Variants in PLEKHH2 observed in about 807,000 individuals in gnomAD.
PLEKHH2 encodes pleckstrin homology domain-containing family H member 2.
PLEKHH2 carries 129 observed loss-of-function variants against 187.9 expected under a neutral mutation model. The ratio of observed to expected loss-of-function variants is 0.69; its 90% confidence interval spans 0.59 to 0.79. PLEKHH2 has a LOEUF of 0.79. Among genes scored for constraint, PLEKHH2 ranks in the 30% least tolerant of loss-of-function variants. The pLI, the probability that PLEKHH2 is intolerant of heterozygous loss-of-function variation, is 0.00. For missense variants in PLEKHH2, 2,076 were observed against 1,751.2 expected (o/e 1.19, Z -3.31); for synonymous variants, 686 against 605.6 (o/e 1.13, Z -1.95).
Position 43,739,133 on chromosome 2 carries a change from C to T in PLEKHH2, c.3123+613C>T, listed in dbSNP as rs150031684. Among the ~76,000 whole-genome samples, 440 of 152,218 alleles carry T rather than the reference C, an allele frequency of 2.9e-3. 4 individuals carry two copies. Among genetic ancestry groups the T allele is most frequent in the African/African-American group, 9.8e-3 (406 of 41,534 alleles). On this transcript the variant is annotated intron_variant, in intron 20 of 29. Transcript: ENST00000282406. ...CTCGAACTCCTGATCTCAGGTGATC[C>T]GCCCGCTCTGGCCTCCCAAAGTACT...
chr2:43,742,972 T>A, intron 22 of PLEKHH2, 54 bp downstream of exon 22: 1 of 1,338,212 alleles, frequency 7.5e-7, no homozygotes, highest in Non-Finnish European at 9.9e-7. Flanking sequence ...ACAACCTCTG[T>A]TATAGGGAAC....
chr2:43,678,623 T>C (rs1667993954), intron 2 of PLEKHH2, among the ~76,000 whole-genome samples: 1 of 151,826 alleles, frequency 6.6e-6, no homozygotes, highest in South Asian at 2.1e-4. Context: ...GGCAGGAGAA[T>C]CAGGCAGGGA....
In PLEKHH2 at chr2:43,704,050, A is replaced by G; in HGVS notation, c.1720A>G (p.Asn574Asp). 1 of 1,596,126 alleles carries G rather than the reference A, an allele frequency of 6.3e-7. No individual in the cohort carries two copies. The highest frequency in any genetic ancestry group is 1.1e-5 in the South Asian group (1 of 90,398). The part of the protein sequence containing the change: ...MSEAFNMESV[N>D]KNSAATLSYT... ...TGAGGCCTTCAATATGGAGAGTGTTAATAAAAGTAAGTGCTTTTTCATGCT... is the reference window on the plus strand; with the variant it reads ...TGAGGCCTTCAATATGGAGAGTGTTGATAAAAGTAAGTGCTTTTTCATGCT... Residue 574 changes from asparagine to aspartate, a missense_variant, in exon 9 of 30, where the codon AAT becomes GAT. Asn to Asp is a conservative substitution (Grantham distance 23). Coordinates refer to ENST00000282406, the MANE Select transcript of PLEKHH2 (RefSeq NM_172069.4).
chr2:43,710,428 G>A, intron 13 of PLEKHH2, 61 bp from the exon 14 acceptor site: 7 of 1,580,992 alleles, frequency 4.4e-6, no homozygotes, highest in South Asian at 1.2e-5. Context: ...ATGATACAAA[G>A]CATTCCTTAT....
chr2:43,736,169 A>C (rs1160766429), intron 19 of PLEKHH2, among the ~76,000 whole-genome samples: 1 of 152,200 alleles, frequency 6.6e-6, no homozygotes, highest in Non-Finnish European at 1.5e-5. Flanking sequence ...CCAAAAGAAC[A>C]AACTAAAAAA....
At chr2:43,666,691 T>A (rs1421286878) in intron 2 of PLEKHH2, among the ~76,000 whole-genome samples, 2 of 152,232 alleles carry the variant, frequency 1.3e-5, no homozygotes, top group African/African-American at 4.8e-5. Flanking sequence ...AATTTGCATG[T>A]CTCTAATGAC....
At chr2:43,689,981 G>T (rs1271028936) in intron 3 of PLEKHH2, among the ~76,000 whole-genome samples, 1 of 152,208 alleles carries the variant, frequency 6.6e-6, no homozygotes, top group Admixed American at 6.5e-5. Flanking sequence ...GACACTAGAT[G>T]TAGGTCTGGT....
At chr2:43,691,443 G>A (rs1050433260) in intron 3 of PLEKHH2, among the ~76,000 whole-genome samples, 1 of 152,202 alleles carries the variant, frequency 6.6e-6, no homozygotes, top group Non-Finnish European at 1.5e-5. Flanking sequence ...AAGTGGGCAT[G>A]ATAGTTTAGA....
chr2:43,656,185 GAC>G (rs757755883), intron 2 of PLEKHH2, among the ~76,000 whole-genome samples: 2 of 152,108 alleles, frequency 1.3e-5, no homozygotes, highest in Admixed American at 6.5e-5. Flanking sequence ...TCGAACTCCT[GAC>G]CTCAAGTGAT....
chr2:43,697,472 T>A (rs990439068), intron 7 of PLEKHH2, 116 bp downstream of exon 7: 17 of 864,276 alleles, frequency 2.0e-5, no homozygotes, highest in Non-Finnish European at 2.9e-5. Context: ...ATTTGATGTT[T>A]TATGAGAATG....
At chr2:43,692,740 C>G (rs1668872853) in intron 4 of PLEKHH2, 77 bp downstream of exon 4, 4 of 1,445,412 alleles carry the variant, frequency 2.8e-6, no homozygotes, top group Non-Finnish European at 3.8e-6. Flanking sequence ...AAAGAGAGAG[C>G]CTAAATTTCT....
At chr2:43,741,265 C>CA (rs901981747) in intron 21 of PLEKHH2, 23 of 341,510 alleles carry the variant, frequency 6.7e-5, no homozygotes, top group African/African-American at 3.4e-4. Context: ...GAAAAACTGA[C>CA]AGAGAATATT....
intron 19 of PLEKHH2, among the ~76,000 whole-genome samples, chr2:43,733,396 A>T (rs1164550649): frequency 2.0e-5 from 3 of 151,606 alleles, no homozygotes; most frequent in African/African-American, 7.3e-5. Context: ...CCTCCACTTA[A>T]TAGACAACCC....
At position 43,719,521 on chromosome 2, in the gene PLEKHH2, A is replaced by G. The variant is rs540802286; in HGVS notation, c.2461-1148A>G. Among the ~76,000 whole-genome samples the G allele has an allele frequency of 5.9e-5, 9 of 151,918 alleles. No homozygotes were observed. The South Asian group carries it at 1.9e-3, about 32-fold the overall frequency. ...GTGGTGTGATCTCTGCTCACTGCAAACTCCGTGTCCCGGTTTCAAGCAATT... is the reference window on the plus strand; with the variant it reads ...GTGGTGTGATCTCTGCTCACTGCAAGCTCCGTGTCCCGGTTTCAAGCAATT... On this transcript the variant is annotated intron_variant, in intron 15 of 29. Transcript: ENST00000282406.
In PLEKHH2 at chr2:43,696,990, A is replaced by T. The variant is rs78734929; in HGVS notation, c.503-181A>T. ...TTCAAAATATGTAAAACAGAATTTA[A>T]ACATTGGGATGTGATGCTTGTCATT... On this transcript the variant is annotated intron_variant, in intron 6 of 29. Transcript: ENST00000282406. Among the ~76,000 whole-genome samples, 1,156 of 152,334 alleles carry T rather than the reference A, an allele frequency of 7.6e-3. 15 individuals are homozygous for T. Among genetic ancestry groups the T allele is most frequent in the African/African-American group, 0.026 (1,092 of 41,578 alleles).
chr2:43,713,919 G>A (rs977976324), intron 15 of PLEKHH2, among the ~76,000 whole-genome samples: 2 of 152,060 alleles, frequency 1.3e-5, no homozygotes, highest in African/African-American at 4.8e-5. Context: ...ACCAACTATA[G>A]CAAAGGTAAA....
chr2:43,660,161 C>T (rs1008793104), intron 2 of PLEKHH2, among the ~76,000 whole-genome samples: 3 of 151,978 alleles, frequency 2.0e-5, no homozygotes, highest in African/African-American at 7.3e-5. Context: ...AGTGAATGGC[C>T]TCTATCGTTT....
At chr2:43,755,155 G>A (rs1672165980) in intron 25 of PLEKHH2, among the ~76,000 whole-genome samples, 2 of 152,094 alleles carry the variant, frequency 1.3e-5, no homozygotes, top group South Asian at 2.1e-4. Context: ...TTACAGGCGT[G>A]AGCCACCGCG....
At chr2:43,749,907 A>C (rs148510163) in intron 24 of PLEKHH2, among the ~76,000 whole-genome samples, 3 of 152,340 alleles carry the variant, frequency 2.0e-5, no homozygotes, top group African/African-American at 7.2e-5. Flanking sequence ...CAAGTGATGG[A>C]ATTTTAATTA....
Sources: allele counts gnomAD v4.1 joint callset (sites outside exome capture counted in the v4.1 genomes callset), GRCh38; gene constraint gnomAD v4.1.1; transcripts MANE v1.5; gene names NCBI Gene and HGNC (gene_info 2026-07-23, HGNC 2026-07-21).